The following LYPLAL1 variants were observed in gnomAD, a reference collection of about 807,000 sequenced individuals.
The protein encoded by LYPLAL1 is lysophospholipase-like protein 1.
In LYPLAL1, 23 loss-of-function variants were observed where a neutral mutation model predicts 19.7. That is an observed-to-expected ratio of 1.17 (90% CI 0.84 to 1.65). The LOEUF (loss-of-function observed/expected upper bound fraction) is 1.65. Among genes scored for constraint, LYPLAL1 ranks in the 40% most tolerant of loss-of-function variants. The pLI, the probability that LYPLAL1 is intolerant of heterozygous loss-of-function variation, is 0.00. For missense variants in LYPLAL1, 355 were observed against 279.4 expected (o/e 1.27, Z -1.93); for synonymous variants, 119 against 96.3 (o/e 1.24, Z -1.38).
chr1:219,180,534 A>G (rs1656191085), intron 2 of LYPLAL1, among the ~76,000 whole-genome samples: 1 of 152,226 alleles, frequency 6.6e-6, no homozygotes, highest in Non-Finnish European at 1.5e-5. Context: ...TAATCTAGTT[A>G]AAAGACCCAA....
the LYPLAL1 span, among the ~76,000 whole-genome samples, chr1:219,246,412 A>G: frequency 2.0e-5 from 3 of 152,052 alleles, 1 homozygote; most frequent in South Asian, 6.2e-4. Context: ...TTCTATCTTT[A>G]TCTAGGTCTG....
chr1:219,276,107 A>G, the LYPLAL1 span, among the ~76,000 whole-genome samples: 3 of 152,200 alleles, frequency 2.0e-5, no homozygotes, highest in African/African-American at 7.2e-5. Context: ...CAGCCTTTGA[A>G]GCGAGGTAAT....
the LYPLAL1 span, among the ~76,000 whole-genome samples, chr1:219,404,235 C>A: frequency 5.3e-5 from 8 of 152,162 alleles, 1 homozygote; most frequent in South Asian, 1.7e-3. Context: ...TCTCCAAATG[C>A]CATCACATTA....
At chr1:219,310,034 A>G in the LYPLAL1 span, among the ~76,000 whole-genome samples, 2 of 152,312 alleles carry the variant, frequency 1.3e-5, no homozygotes, top group Non-Finnish European at 2.9e-5. Context: ...AAAGGTAGTG[A>G]TAGTGTGCTC....
chr1:219,271,498 T>C, the LYPLAL1 span: 4 of 152,200 alleles, frequency 2.6e-5, no homozygotes, highest in South Asian at 8.3e-4. Flanking sequence ...TTTTTCTGCA[T>C]GCATTGAAGA....
the LYPLAL1 span, among the ~76,000 whole-genome samples, chr1:219,386,435 G>T: frequency 6.6e-6 from 1 of 152,112 alleles, no homozygotes; most frequent in Admixed American, 6.6e-5. Context: ...CTCCTAAGTT[G>T]CCAGGAATTA....
the LYPLAL1 span, among the ~76,000 whole-genome samples, chr1:219,291,146 A>AT: frequency 6.6e-6 from 1 of 152,192 alleles, no homozygotes; most frequent in Non-Finnish European, 1.5e-5. Context: ...AACTCTAATT[A>AT]TGATGTTTCA....
At chr1:219,359,120 A>G in the LYPLAL1 span, among the ~76,000 whole-genome samples, 13 of 152,200 alleles carry the variant, frequency 8.5e-5, no homozygotes, top group Non-Finnish European at 1.8e-4. Context: ...AAGAGTATGA[A>G]AAAAGCAAAC....
chr1:219,403,366 C>G, the LYPLAL1 span, among the ~76,000 whole-genome samples: 3 of 152,148 alleles, frequency 2.0e-5, no homozygotes, highest in African/African-American at 7.2e-5. Flanking sequence ...CTCTTCCCAG[C>G]TTTCAGAAAA....
chr1:219,252,584 A>G, the LYPLAL1 span, among the ~76,000 whole-genome samples: 21 of 152,244 alleles, frequency 1.4e-4, no homozygotes, highest in East Asian at 2.7e-3. Flanking sequence ...GATGAATCAC[A>G]TTTATTGATT....
At chr1:219,306,190 T>C in the LYPLAL1 span, among the ~76,000 whole-genome samples, 85 of 152,348 alleles carry the variant, frequency 5.6e-4, no homozygotes, top group African/African-American at 2.0e-3. Flanking sequence ...AAAATCTCTT[T>C]GGAAATTGTC....
At chr1:219,415,907 T>A in the LYPLAL1 span, among the ~76,000 whole-genome samples, 4 of 152,324 alleles carry the variant, frequency 2.6e-5, no homozygotes, top group Non-Finnish European at 2.9e-5. Context: ...TCTCCCAGTG[T>A]GCCTGTCTTC....
chr1:219,179,478 A>T (rs1026893043), intron 2 of LYPLAL1: 2 of 424,272 alleles, frequency 4.7e-6, no homozygotes, highest in Non-Finnish European at 8.3e-6. Flanking sequence ...TCTGAATTTA[A>T]ACTGTGTCCC....
At position 219,205,458 on chromosome 1, in the gene LYPLAL1, T is replaced by C. The variant is rs144758140; in HGVS notation, c.362-5074T>C. ...ATTTTGTAATTCTGTAGAAAGACTT[T>C]CAAATTAGTATTACATGAAAAAAAT... On this transcript the variant is annotated intron_variant, in intron 3 of 4. Coordinates refer to ENST00000366928, the MANE Select transcript of LYPLAL1 (RefSeq NM_138794.5). Among the ~76,000 whole-genome samples the C allele has an allele frequency of 7.6e-3, 1,154 of 152,236 alleles. 4 individuals are homozygous for C. The highest frequency in any genetic ancestry group is 0.023 in the South Asian group (111 of 4,822).
chr1:219,430,662 G>A, the LYPLAL1 span, among the ~76,000 whole-genome samples: 5 of 152,144 alleles, frequency 3.3e-5, no homozygotes, highest in African/African-American at 1.2e-4. Context: ...CCCTTGGTTT[G>A]TGGCTTAGCA....
chr1:219,427,089 G>A, the LYPLAL1 span, among the ~76,000 whole-genome samples: 48 of 152,274 alleles, frequency 3.2e-4, no homozygotes, highest in African/African-American at 9.9e-4. Flanking sequence ...TAAGTGTTAA[G>A]CATCTGCAAA....
the LYPLAL1 span, among the ~76,000 whole-genome samples, chr1:219,241,101 TC>T: frequency 2.8e-5 from 1 of 36,346 alleles, no homozygotes; most frequent in African/African-American, 1.1e-4. Flanking sequence ...ATATATAATC[TC>T]TCTCTCTCTC....
chr1:219,401,378 T>G, the LYPLAL1 span, among the ~76,000 whole-genome samples: 1 of 131,374 alleles, frequency 7.6e-6, no homozygotes, highest in Admixed American at 9.0e-5. Context: ...GCCTCCTTCT[T>G]GCAATAAAAC....
At chr1:219,306,605 A>G in the LYPLAL1 span, among the ~76,000 whole-genome samples, 15 of 151,928 alleles carry the variant, frequency 9.9e-5, no homozygotes, top group Non-Finnish European at 1.8e-4. Flanking sequence ...CCAGCCTATT[A>G]GACTTGGACT....
Sources: allele counts gnomAD v4.1 joint callset (sites outside exome capture counted in the v4.1 genomes callset), GRCh38; gene constraint gnomAD v4.1.1; transcripts MANE v1.5; gene names NCBI Gene and HGNC (gene_info 2026-07-23, HGNC 2026-07-21).